Variants in USP8 observed in about 807,000 individuals in gnomAD.
USP8 encodes the protein ubiquitin specific peptidase 8.
In USP8, 27 loss-of-function variants were observed where a neutral mutation model predicts 130.0. That is an observed-to-expected ratio of 0.21 (90% CI 0.15 to 0.29). USP8 has a LOEUF of 0.29. Among genes scored for constraint, USP8 ranks in the 10% least tolerant of loss-of-function variants. The pLI, the probability that USP8 is intolerant of heterozygous loss-of-function variation, is 1.00. For synonymous variants in USP8, 392 were observed against 444.1 expected (o/e 0.88, Z 1.48); for missense variants, 1,029 against 1,312.2 (o/e 0.78, Z 3.33).
At chr15:50,497,900 A>C (rs1042698196) in intron 18 of USP8, among the ~76,000 whole-genome samples, 1 of 152,184 alleles carries the variant, frequency 6.6e-6, no homozygotes, top group Admixed American at 6.5e-5. Context: ...AAAATGTTTT[A>C]TCTTGTATTG....
intron 1 of USP8, chr15:50,432,297 T>G (rs1289827166): frequency 6.6e-6 from 1 of 152,200 alleles, no homozygotes; most frequent in Non-Finnish European, 1.5e-5. Context: ...GTTGCCCACT[T>G]TGTTGGCTAC....
chr15:50,464,840 C>T (rs191205871), intron 6 of USP8, among the ~76,000 whole-genome samples: 94 of 152,162 alleles, frequency 6.2e-4, no homozygotes, highest in African/African-American at 2.1e-3. Context: ...GGTTACAGAA[C>T]GAGACCCTGT....
chr15:50,424,687 C>G (rs2049643443), intron 1 of USP8, 173 bp downstream of exon 1: 2 of 394,498 alleles, frequency 5.1e-6, no homozygotes, highest in African/African-American at 2.1e-5. Context: ...AAAGGCCCAA[C>G]CTTGAGTCTT....
At position 50,489,849 on chromosome 15, in the gene USP8, A is replaced by T; in HGVS notation, c.1939A>T (p.Ile647Phe). Residue 647 changes from isoleucine (I) to phenylalanine (F), a missense_variant, in exon 13 of 20, where the codon ATC (isoleucine) becomes TTC (phenylalanine). Coordinates refer to ENST00000307179, the MANE Select transcript of USP8 (RefSeq NM_005154.5). ...TRARSEEMGR[I>F]VPGLPSGWAK... ...AGCACGAAGTGAAGAAATGGGGAGG[A>T]TCGTACCAGGACTGCCTTCAGGCTG... is the stretch of plus-strand genomic sequence containing the variant. 1 of 1,582,810 alleles carries T rather than the reference A, an allele frequency of 6.3e-7. No homozygotes were observed. Among genetic ancestry groups the T allele is most frequent in the Non-Finnish European group, 8.6e-7 (1 of 1,165,048 alleles).
intron 12 of USP8, among the ~76,000 whole-genome samples, chr15:50,488,552 CTTTTTTTTT>C (rs397853938): frequency 1.6e-4 from 11 of 70,894 alleles, no homozygotes; most frequent in African/African-American, 2.9e-4. Context: ...TCAAGGTTGG[CTTTTTTTTT>C]TTTTTTTTTT....
At chr15:50,424,826 GTT>G (rs57263195) in intron 1 of USP8, among the ~76,000 whole-genome samples, 2 of 144,566 alleles carry the variant, frequency 1.4e-5, no homozygotes, top group African/African-American at 5.1e-5. Context: ...CTTGCTTCCG[GTT>G]TTTTTTTTTT....
chr15:50,503,016 C>T lies in USP8; in HGVS notation c.*3928C>T, dbSNP rs573312338. On this transcript the variant is annotated 3_prime_UTR_variant, in exon 20 of 20. Coordinates refer to ENST00000307179, the MANE Select transcript of USP8 (RefSeq NM_005154.5). Reference sequence around the variant, plus strand: ...AACCTTCGTCTTCCCCACCTCTCTCCTTACAGGTAATAGAAATATCTGAAA... The same window carrying T: ...AACCTTCGTCTTCCCCACCTCTCTCTTTACAGGTAATAGAAATATCTGAAA... 2 of 152,328 alleles carry T rather than the reference C, an allele frequency of 1.3e-5. No individual in the cohort carries two copies. Among genetic ancestry groups the T allele is most frequent in the South Asian group, 4.1e-4 (2 of 4,824 alleles). 9.4% of individuals were successfully genotyped at this position (152,328 alleles called of 1,614,324 possible).
At chr15:50,488,858 C>T (rs2052057935) in intron 12 of USP8, among the ~76,000 whole-genome samples, 1 of 151,920 alleles carries the variant, frequency 6.6e-6, no homozygotes, top group African/African-American at 2.4e-5. Flanking sequence ...CAGGCGTGAG[C>T]CACTGTGCCC....
Position 50,492,780 on chromosome 15 carries a change from T to C in USP8, c.2314T>C (p.Ser772Pro). Residue 772 changes from serine to proline, a missense_variant, in exon 15 of 20, where the codon TCT (serine) becomes CCT (proline). Around this residue, in one of 4 missense-constraint regions of USP8, gnomAD observed 257 missense variants for 429.8 expected, o/e 0.60. Coordinates refer to ENST00000307179, the MANE Select transcript of USP8 (RefSeq NM_005154.5). ...IRNLNPVFGG[S>P]GPALTGLRNL... ...GAACCTCAATCCTGTTTTTGGAGGT[T>C]CTGGACCAGCTCTTACTGGACTTCG... 1 of 1,614,204 alleles carries C rather than the reference T, an allele frequency of 6.2e-7. No homozygotes were observed. The highest frequency in any genetic ancestry group is 8.5e-7 in the Non-Finnish European group (1 of 1,180,026).
chr15:50,481,474 G>T lies in USP8; in HGVS notation c.1219-7G>T. 6.4e-7 allele frequency: 1 copy of T among 1,562,886 alleles called. No homozygotes were observed. The highest frequency in any genetic ancestry group is 8.6e-7 in the Non-Finnish European group (1 of 1,159,738). On this transcript the variant is annotated splice_polypyrimidine_tract_variant and splice_region_variant and intron_variant, in intron 10 of 19. Transcript: ENST00000307179. ...AAAAATGTTTTGCTCTGGTTTTGTT[G>T]CTCTAGATTGATCGTACTAAAAAAC... is the stretch of plus-strand genomic sequence containing the variant.
intron 12 of USP8, among the ~76,000 whole-genome samples, chr15:50,488,869 G>C (rs562212429): frequency 1.3e-5 from 2 of 151,740 alleles, no homozygotes; most frequent in African/African-American, 4.8e-5. Flanking sequence ...CACTGTGCCC[G>C]GCCAAACCTG....
chr15:50,451,779 C>T (rs1330913543), intron 4 of USP8, among the ~76,000 whole-genome samples: 1 of 152,206 alleles, frequency 6.6e-6, no homozygotes, highest in African/African-American at 2.4e-5. Flanking sequence ...AAGCTCTTTT[C>T]CTCCTTTAAG....
intron 12 of USP8, among the ~76,000 whole-genome samples, chr15:50,486,536 C>A (rs1457704154): frequency 1.3e-5 from 2 of 152,092 alleles, no homozygotes; most frequent in African/African-American, 4.8e-5. Flanking sequence ...GCTAGAATGA[C>A]TGACTGAATT....
At chr15:50,432,372 G>A (rs147878737) in intron 1 of USP8, 35 of 152,122 alleles carry the variant, frequency 2.3e-4, no homozygotes, top group African/African-American at 7.7e-4. Flanking sequence ...ATCTGTTCTT[G>A]AACTCCTGGG....
chr15:50,432,517 A>G (rs977497881), intron 1 of USP8: 5 of 152,206 alleles, frequency 3.3e-5, no homozygotes, highest in African/African-American at 1.2e-4. Context: ...TGCTTAATTG[A>G]TCTACATTCT....
At chr15:50,484,434 C>T in intron 12 of USP8, 73 bp downstream of exon 12, 1 of 1,178,200 alleles carries the variant, frequency 8.5e-7, no homozygotes, top group Non-Finnish European at 1.2e-6. Flanking sequence ...ATTATCTTAC[C>T]ACACTGCTAT....
rs1325590023 is a variant in USP8 at position 50,501,162 on chromosome 15, A to G, written c.*2074A>G. The G allele has an allele frequency of 8.1e-6, 2 of 247,104 alleles. No homozygotes were observed. The highest frequency in any genetic ancestry group is 9.4e-5 in the Admixed American group (2 of 21,322). The allele number at this position is 247,104 out of a possible 1,614,324, so 15.3% of individuals were successfully genotyped here. On this transcript the variant is annotated 3_prime_UTR_variant, in exon 20 of 20. Transcript: ENST00000307179. ...ATTAAGCATTAAAGGAAATTTTACA[A>G]TAAGAAGATAATTCAGGCCGGGCAC... is the stretch of plus-strand genomic sequence containing the variant.
At chr15:50,475,313 C>A (rs184747385) in intron 8 of USP8, among the ~76,000 whole-genome samples, 1,573 of 151,546 alleles carry the variant, frequency 0.01, 26 homozygotes, top group African/African-American at 0.035. Flanking sequence ...CAATATAAAT[C>A]CATAGTAAAT....
intron 1 of USP8, among the ~76,000 whole-genome samples, chr15:50,431,798 A>C (rs992091310): frequency 3.3e-5 from 5 of 152,168 alleles, no homozygotes; most frequent in Non-Finnish European, 5.9e-5. Context: ...GTGGAATTAC[A>C]GGCGTCCACC....
Sources: allele counts gnomAD v4.1 joint callset (sites outside exome capture counted in the v4.1 genomes callset), GRCh38; gene constraint gnomAD v4.1.1; regional missense constraint gnomAD v4.1.1; transcripts MANE v1.5; gene names NCBI Gene and HGNC (gene_info 2026-07-23, HGNC 2026-07-21).